The following APP variants were observed in gnomAD, a reference collection of about 807,000 sequenced individuals.
APP encodes amyloid beta precursor protein.
In APP, 31 loss-of-function variants were observed where a neutral mutation model predicts 101.4. That is an observed-to-expected ratio of 0.31 (90% confidence interval 0.23 to 0.41). The LOEUF is 0.41. Ranked by LOEUF, APP falls within the 10% of genes least tolerant of loss-of-function variation. The probability of loss-of-function intolerance (pLI) is 1.00; values close to 1 mark genes in which losing one functional copy is unlikely to be tolerated. For missense variants in APP, 839 were observed against 1,003.7 expected (o/e 0.84, Z 2.22); for synonymous variants, 366 against 364.4 (o/e 1.00, Z -0.05).
chr21:26,080,225 G>A (rs1670099351), intron 3 of APP, among the ~76,000 whole-genome samples: 2 of 152,136 alleles, frequency 1.3e-5, no homozygotes, highest in African/African-American at 4.8e-5. Flanking sequence ...TAATTCACTT[G>A]TAACACTTAA....
intron 1 of APP, among the ~76,000 whole-genome samples, chr21:26,149,589 C>G (rs62224862): frequency 0.28 from 43,088 of 152,158 alleles, 6,242 homozygotes; most frequent in African/African-American, 0.31. Flanking sequence ...AAAACCACCA[C>G]CAAATCTGAA....
chr21:25,996,999 C>A (rs2043081695), intron 8 of APP, among the ~76,000 whole-genome samples: 1 of 152,210 alleles, frequency 6.6e-6, no homozygotes, highest in South Asian at 2.1e-4. Context: ...TTCAGTTCTG[C>A]AAAAGCAGTG....
intron 4 of APP, 124 bp from the exon 5 acceptor site, chr21:26,051,317 A>G: frequency 9.4e-7 from 1 of 1,061,770 alleles, no homozygotes; most frequent in Non-Finnish European, 1.4e-6. Flanking sequence ...AAAGGAAAAG[A>G]TTATTTGCTT....
At chr21:26,091,412 G>A (rs2061823392) in intron 2 of APP, among the ~76,000 whole-genome samples, 1 of 152,152 alleles carries the variant, frequency 6.6e-6, no homozygotes, top group Admixed American at 6.5e-5. Flanking sequence ...GCAGTGATTG[G>A]TCATTGCAAG....
Position 25,965,428 on chromosome 21 carries a change from T to C in APP, c.1458+9642A>G, listed in dbSNP as rs1601050412. Among the ~76,000 whole-genome samples the C allele has an allele frequency of 3.3e-5, 5 of 152,358 alleles. No individual in the cohort carries two copies. In the East Asian group the frequency reaches 9.6e-4, roughly 29 times the overall value. On this transcript the variant is annotated intron_variant, in intron 11 of 17. Transcript: ENST00000346798. Reference sequence around the variant, plus strand: ...GACTATGGTGGTCCTGCTTCATACATCCTCTAACTGGTTAGCCTATTCAAA... The same window carrying C: ...GACTATGGTGGTCCTGCTTCATACACCCTCTAACTGGTTAGCCTATTCAAA...
At chr21:25,904,951 G>T in intron 15 of APP, 73 bp downstream of exon 15, 1 of 1,315,500 alleles carries the variant, frequency 7.6e-7, no homozygotes, top group East Asian at 2.4e-5. Context: ...GGCTTAAAAT[G>T]CAGAAAGGAG....
intron 8 of APP, among the ~76,000 whole-genome samples, chr21:25,984,297 A>T (rs1258942391): frequency 2.6e-5 from 4 of 152,186 alleles, no homozygotes; most frequent in Non-Finnish European, 4.4e-5. Flanking sequence ...AAAAGAAAAT[A>T]CAAACTAACA....
At chr21:25,899,265 T>A (rs1223357502) in intron 15 of APP, among the ~76,000 whole-genome samples, 1 of 152,174 alleles carries the variant, frequency 6.6e-6, no homozygotes, top group African/African-American at 2.4e-5. Context: ...TTGGTCTGGG[T>A]CATAAGAACT....
At chr21:26,014,110 T>G (rs1011462539) in intron 6 of APP, among the ~76,000 whole-genome samples, 2 of 152,196 alleles carry the variant, frequency 1.3e-5, no homozygotes, top group Admixed American at 6.5e-5. Flanking sequence ...ATTACCCTTT[T>G]GCCCTGTTCC....
intron 17 of APP, among the ~76,000 whole-genome samples, chr21:25,890,786 C>A (rs952451546): frequency 4.0e-5 from 6 of 151,404 alleles, no homozygotes; most frequent in African/African-American, 1.5e-4. Context: ...CTTGACCTTG[C>A]ATAATTTGAA....
intron 3 of APP, among the ~76,000 whole-genome samples, chr21:26,073,957 C>A (rs2061454402): frequency 6.6e-6 from 1 of 152,124 alleles, no homozygotes. Context: ...TCTAAGCTTT[C>A]AAGAAAGCAA....
intron 11 of APP, among the ~76,000 whole-genome samples, chr21:25,974,363 T>C (rs1044935139): frequency 3.9e-5 from 6 of 152,126 alleles, no homozygotes; most frequent in Admixed American, 3.3e-4. Context: ...AATTCATATG[T>C]TGAAACCTAA....
chr21:26,033,732 G>A (rs1440477153), intron 5 of APP, among the ~76,000 whole-genome samples: 3 of 152,228 alleles, frequency 2.0e-5, no homozygotes, highest in Non-Finnish European at 2.9e-5. Flanking sequence ...AGGACAGATA[G>A]GTGGAGGAGC....
chr21:26,147,654 G>A (rs568393345), intron 1 of APP, among the ~76,000 whole-genome samples: 47 of 152,044 alleles, frequency 3.1e-4, no homozygotes, highest in Middle Eastern at 3.4e-3. Context: ...AGAAATAAGC[G>A]GCAAAGAGCA....
chr21:25,905,140 C>T, intron 14 of APP, 63 bp from the exon 15 acceptor site: 2 of 1,404,466 alleles, frequency 1.4e-6, no homozygotes, highest in South Asian at 1.2e-5. Context: ...TAAGTCGTGG[C>T]TCCCAAACAT....
chr21:26,027,450 T>C (rs2044629318), intron 5 of APP, among the ~76,000 whole-genome samples: 2 of 152,204 alleles, frequency 1.3e-5, no homozygotes, highest in South Asian at 4.1e-4. Flanking sequence ...AAGCAGTTTT[T>C]GAAATTACTG....
chr21:26,160,748 C>CAGTA (rs762518773), intron 1 of APP, among the ~76,000 whole-genome samples: 8 of 151,964 alleles, frequency 5.3e-5, no homozygotes, highest in Non-Finnish European at 1.0e-4. Flanking sequence ...TTTCCAAACT[C>CAGTA]TACTAACTTC....
chr21:25,928,120 G>A (rs764746504), intron 13 of APP, among the ~76,000 whole-genome samples: 37 of 152,066 alleles, frequency 2.4e-4, no homozygotes, highest in Non-Finnish European at 4.6e-4. Flanking sequence ...TGAGGTGGGC[G>A]GTTCACGAGG....
chr21:25,904,078 C>T (rs1283661585), intron 15 of APP, among the ~76,000 whole-genome samples: 1 of 152,186 alleles, frequency 6.6e-6, no homozygotes. Context: ...AGTTAATTCC[C>T]TGTTCTTTGA....
Sources: allele counts gnomAD v4.1 joint callset (sites outside exome capture counted in the v4.1 genomes callset), GRCh38; gene constraint gnomAD v4.1.1; transcripts MANE v1.5; gene names NCBI Gene and HGNC (gene_info 2026-07-23, HGNC 2026-07-21).